Variants in UTRN observed in about 807,000 individuals in gnomAD.
UTRN encodes the protein utrophin.
UTRN carries 283 observed loss-of-function variants against 463.9 expected under a neutral mutation model. The observed-to-expected ratio is 0.61, with a 90% CI of 0.55 to 0.67. The LOEUF (loss-of-function observed/expected upper bound fraction) is 0.67, where lower values mean the gene tolerates loss of function less well. Ranked by LOEUF, UTRN falls within the 30% of genes least tolerant of loss-of-function variation. The pLI, the probability that UTRN is intolerant of heterozygous loss-of-function variation, is 0.00. For synonymous variants in UTRN, 1,442 were observed against 1,431.5 expected (o/e 1.01, Z -0.17); for missense variants, 3,922 against 4,084.3 (o/e 0.96, Z 1.08).
At chr6:144,402,085 A>G (rs1323080914) in intron 2 of UTRN, among the ~76,000 whole-genome samples, 1 of 152,272 alleles carries the variant, frequency 6.6e-6, no homozygotes, top group Non-Finnish European at 1.5e-5. Context: ...TGGCTTTAAT[A>G]GAAAATCGTG....
chr6:144,772,222 CAG>C (rs1181665250), intron 59 of UTRN, among the ~76,000 whole-genome samples: 2 of 150,980 alleles, frequency 1.3e-5, no homozygotes, highest in African/African-American at 2.4e-5. Context: ...TTAATAGAGA[CAG>C]GGTTTTACTG....
intron 51 of UTRN, among the ~76,000 whole-genome samples, chr6:144,670,693 G>C (rs982353404): frequency 6.6e-6 from 1 of 152,032 alleles, no homozygotes; most frequent in African/African-American, 2.4e-5. Context: ...TGGGTTCTTG[G>C]TCATGAAGTC....
At chr6:144,761,678 G>T (rs1286938111) in intron 58 of UTRN, among the ~76,000 whole-genome samples, 1 of 151,712 alleles carries the variant, frequency 6.6e-6, no homozygotes, top group African/African-American at 2.4e-5. Flanking sequence ...AATAAATAAA[G>T]AGAGAGAGAA....
chr6:144,606,157 C>G (rs1804825757), intron 51 of UTRN, among the ~76,000 whole-genome samples: 1 of 152,150 alleles, frequency 6.6e-6, no homozygotes. Context: ...TTATTCAGTA[C>G]TATTTGTAAA....
chr6:144,639,055 T>A (rs893373970), intron 51 of UTRN, among the ~76,000 whole-genome samples: 22 of 151,944 alleles, frequency 1.4e-4, no homozygotes, highest in African/African-American at 5.3e-4. Context: ...AGGGACAGAA[T>A]GAGACTTTGT....
intron 66 of UTRN, among the ~76,000 whole-genome samples, chr6:144,823,934 A>G (rs1044589859): frequency 1.3e-5 from 2 of 152,208 alleles, no homozygotes; most frequent in African/African-American, 4.8e-5. Flanking sequence ...AGAAACAAAT[A>G]CACTATAAGT....
intron 3 of UTRN, among the ~76,000 whole-genome samples, chr6:144,412,738 A>G (rs185618968): frequency 0.18 from 19,147 of 106,838 alleles, 1,428 homozygotes; most frequent in African/African-American, 0.35. Context: ...GTGTGTGTGT[A>G]TATATATATA....
intron 2 of UTRN, 144 bp from the exon 3 acceptor site, chr6:144,402,979 C>T (rs1322220496): frequency 7.0e-6 from 5 of 710,650 alleles, no homozygotes; most frequent in Non-Finnish European, 9.7e-6. Context: ...TCACATTCTG[C>T]ATTAGCTCCG....
At chr6:144,412,225 C>A (rs922043172) in intron 3 of UTRN, among the ~76,000 whole-genome samples, 1 of 152,078 alleles carries the variant, frequency 6.6e-6, no homozygotes, top group Non-Finnish European at 1.5e-5. Context: ...TGCAGTAATA[C>A]ATAAACTTTG....
intron 2 of UTRN, among the ~76,000 whole-genome samples, chr6:144,325,824 A>G (rs1775941293): frequency 6.6e-6 from 1 of 152,192 alleles, no homozygotes; most frequent in Non-Finnish European, 1.5e-5. Flanking sequence ...TGTGGCCTGT[A>G]TCCTCAGAGA....
chr6:144,359,886 G>C (rs1227947576), intron 2 of UTRN, among the ~76,000 whole-genome samples: 1 of 151,994 alleles, frequency 6.6e-6, no homozygotes, highest in African/African-American at 2.4e-5. Context: ...TCCCAGTGTT[G>C]CTGCATAATA....
At position 144,763,617 on chromosome 6, in the gene UTRN, G is replaced by A. The variant is rs148372343; in HGVS notation, c.8495+5628G>A. On this transcript the variant is annotated intron_variant, in intron 58 of 74. Coordinates refer to ENST00000367545, the MANE Select transcript of UTRN (RefSeq NM_007124.3). ...TTTAGAAGAATTGTGCGCCAGCTTAGGCAATACAGAAGAAATAGTCCTTCC... is the reference window on the plus strand; with the variant it reads ...TTTAGAAGAATTGTGCGCCAGCTTAAGCAATACAGAAGAAATAGTCCTTCC... Among the ~76,000 whole-genome samples, 6 of 152,306 alleles carry A rather than the reference G, an allele frequency of 3.9e-5. No individual in the cohort carries two copies. In the East Asian group the frequency reaches 1.2e-3, roughly 29 times the overall value.
intron 50 of UTRN, among the ~76,000 whole-genome samples, chr6:144,558,474 G>C (rs1182392058): frequency 6.6e-6 from 1 of 152,096 alleles, no homozygotes; most frequent in Non-Finnish European, 1.5e-5. Context: ...CAGGGAAGAA[G>C]GTGAATTAAA....
intron 34 of UTRN, among the ~76,000 whole-genome samples, chr6:144,500,248 C>T (rs973683586): frequency 6.6e-6 from 1 of 152,178 alleles, no homozygotes; most frequent in African/African-American, 2.4e-5. Context: ...TAAAAGTGTT[C>T]CTTTTTCTCT....
intron 51 of UTRN, among the ~76,000 whole-genome samples, chr6:144,668,154 A>G (rs576419022): frequency 2.2e-4 from 33 of 152,266 alleles, no homozygotes; most frequent in Admixed American, 1.5e-3. Flanking sequence ...AGACATCTCA[A>G]ATCCCATCAG....
intron 51 of UTRN, among the ~76,000 whole-genome samples, chr6:144,615,339 C>T (rs190414006): frequency 6.6e-6 from 1 of 152,098 alleles, no homozygotes; most frequent in Non-Finnish European, 1.5e-5. Context: ...AATTCTGAGC[C>T]TTCATAAATA....
At chr6:144,433,675 C>T (rs146776335) in intron 9 of UTRN, among the ~76,000 whole-genome samples, 24 of 148,550 alleles carry the variant, frequency 1.6e-4, no homozygotes, top group Admixed American at 9.3e-4. Flanking sequence ...GGGTCGCGGC[C>T]GGGCAGAGGC....
At chr6:144,678,355 G>A (rs1176783141) in intron 51 of UTRN, 51 bp from the exon 52 acceptor site, 3 of 1,557,918 alleles carry the variant, frequency 1.9e-6, no homozygotes, top group East Asian at 4.5e-5. Flanking sequence ...TGAATATAAA[G>A]ATATACTGAT....
intron 58 of UTRN, among the ~76,000 whole-genome samples, chr6:144,765,495 T>C (rs1453440962): frequency 6.6e-6 from 1 of 152,072 alleles, no homozygotes; most frequent in Non-Finnish European, 1.5e-5. Context: ...CTCATTGCAG[T>C]CTTATACTCC....
Sources: gnomAD v4.1 joint callset for allele counts (sites outside exome capture counted in the v4.1 genomes callset) on GRCh38, gnomAD v4.1.1 for gene constraint, MANE v1.5 for transcripts, NCBI Gene and HGNC (gene_info 2026-07-23, HGNC 2026-07-21) for gene names.